ME1: variants seen among roughly 807,000 people sequenced by gnomAD.
The protein encoded by ME1 is NADP-dependent malic enzyme.
Under a neutral mutation model 66.4 loss-of-function variants are expected in ME1, and 74 were observed. That is an observed-to-expected ratio of 1.11 (90% CI 0.92 to 1.35). The LOEUF is 1.35. ME1 is among the 40% of genes most tolerant of loss of function. The pLI is 0.00. For synonymous variants in ME1, 251 were observed against 235.6 expected (o/e 1.07, Z -0.60); for missense variants, 750 against 694.1 (o/e 1.08, Z -0.90).
chr6:83,343,246 C>T (rs1205538652), intron 5 of ME1, among the ~76,000 whole-genome samples: 1 of 152,120 alleles, frequency 6.6e-6, no homozygotes, highest in East Asian at 1.9e-4. Flanking sequence ...ACTTTTTTAG[C>T]CCGGGTGTGA....
At chr6:83,371,549 T>C (rs1769193286) in intron 3 of ME1, among the ~76,000 whole-genome samples, 1 of 152,110 alleles carries the variant, frequency 6.6e-6, no homozygotes, top group African/African-American at 2.4e-5. Context: ...GAAAAGAAAA[T>C]GTATCAACAG....
At chr6:83,365,049 C>T (rs1158009028) in intron 3 of ME1, among the ~76,000 whole-genome samples, 1 of 152,182 alleles carries the variant, frequency 6.6e-6, no homozygotes, top group African/African-American at 2.4e-5. Flanking sequence ...ATTCTCCTCT[C>T]ACCTCACTTG....
At chr6:83,415,744 T>C (rs1770147520) in intron 1 of ME1, among the ~76,000 whole-genome samples, 1 of 152,202 alleles carries the variant, frequency 6.6e-6, no homozygotes, top group African/African-American at 2.4e-5. Context: ...TAACAAGTTT[T>C]TTCATTGACT....
At chr6:83,398,271 C>T (rs1284583076) in intron 3 of ME1, 96 bp downstream of exon 3, 3 of 882,448 alleles carry the variant, frequency 3.4e-6, no homozygotes, top group African/African-American at 1.8e-5. Flanking sequence ...ATTTTATTGT[C>T]AAATTTAAAA....
Position 83,298,931 on chromosome 6 carries a change from G to GTTTTTTTTTTTTTTTTTT in ME1, c.704+16361_704+16378dup, listed in dbSNP as rs61055748. 2.7e-4 allele frequency among the ~76,000 whole-genome samples: 6 copies of GTTTTTTTTTTTTTTTTTT among 22,458 alleles called. 1 individual carries two copies. The highest frequency in any genetic ancestry group is 3.8e-4 in the African/African-American group (2 of 5,314). 14.7% of individuals were successfully genotyped at this position (22,458 alleles called of 152,430 possible). On this transcript the variant is annotated intron_variant, in intron 6 of 13. Transcript: ENST00000369705. ...TGCTGTTCCATTAGTCTATGTGTCT[G>GTTTTTTTTTTTTTTTTTT]TTTTTTTTTTTTTTTTTTTTTTTTT...
rs1183354465 is a variant in ME1 at position 83,210,624 on chromosome 6, G to A, written c.*1300C>T. The A allele has an allele frequency of 1.3e-5, 2 of 152,160 alleles. No homozygotes were observed. Among genetic ancestry groups the A allele is most frequent in the Non-Finnish European group, 2.9e-5 (2 of 68,008 alleles). The allele number at this position is 152,160 out of a possible 1,614,324, so 9.4% of individuals were successfully genotyped here. On this transcript the variant is annotated 3_prime_UTR_variant, in exon 14 of 14. Coordinates refer to ENST00000369705, the MANE Select transcript of ME1 (RefSeq NM_002395.6). Reference sequence around the variant, plus strand: ...TCTGCTCATACCTAAAACAATTTGTGTAACCTTCAACTTTCAATAAAATCA... The same window carrying A: ...TCTGCTCATACCTAAAACAATTTGTATAACCTTCAACTTTCAATAAAATCA...
chr6:83,426,834 T>C (rs1201083593), intron 1 of ME1, among the ~76,000 whole-genome samples: 1 of 152,208 alleles, frequency 6.6e-6, no homozygotes, highest in Non-Finnish European at 1.5e-5. Context: ...TACTTATGGG[T>C]CATGTTATTA....
In ME1 at chr6:83,211,830, G is replaced by A; in HGVS notation, c.*94C>T. Reference sequence around the variant, plus strand: ...CTGTTAAAGTAAAATCTTAATCTAAGTGTCTTATGAATCATTATAAAAGAT... The same window carrying A: ...CTGTTAAAGTAAAATCTTAATCTAAATGTCTTATGAATCATTATAAAAGAT... On this transcript the variant is annotated 3_prime_UTR_variant, in exon 14 of 14. Transcript: ENST00000369705. 1 of 762,704 alleles carries A rather than the reference G, an allele frequency of 1.3e-6. No homozygotes were observed. Among genetic ancestry groups the A allele is most frequent in the Non-Finnish European group, 1.9e-6 (1 of 532,878 alleles). The allele number at this position is 762,704 out of a possible 1,614,324, so 47.2% of individuals were successfully genotyped here.
chr6:83,399,612 T>C (rs912885352), intron 2 of ME1, among the ~76,000 whole-genome samples: 3 of 152,252 alleles, frequency 2.0e-5, no homozygotes, highest in South Asian at 2.1e-4. Flanking sequence ...CTGTATCTTA[T>C]GGCCTTTTTC....
intron 6 of ME1, among the ~76,000 whole-genome samples, chr6:83,295,171 C>G (rs954974396): frequency 3.3e-5 from 5 of 152,148 alleles, no homozygotes; most frequent in African/African-American, 1.2e-4. Flanking sequence ...GGTAACATAC[C>G]CCCATGTGAA....
At chr6:83,301,985 ACACATG>A (rs1397612594) in intron 6 of ME1, among the ~76,000 whole-genome samples, 6 of 152,192 alleles carry the variant, frequency 3.9e-5, no homozygotes, top group Admixed American at 1.3e-4. Flanking sequence ...TACCATAAAG[ACACATG>A]CACATGCACA....
At chr6:83,333,159 G>A (rs1459724369) in intron 5 of ME1, among the ~76,000 whole-genome samples, 1 of 152,034 alleles carries the variant, frequency 6.6e-6, no homozygotes, top group East Asian at 1.9e-4. Flanking sequence ...GTATTTAAAG[G>A]GGATTTACTT....
chr6:83,380,141 GA>G (rs944393087), intron 3 of ME1, among the ~76,000 whole-genome samples: 1 of 151,850 alleles, frequency 6.6e-6, no homozygotes, highest in East Asian at 1.9e-4. Flanking sequence ...CTACCCTCAA[GA>G]AAAAAATCAG....
chr6:83,426,230 A>G (rs990302593), intron 1 of ME1, among the ~76,000 whole-genome samples: 4 of 152,216 alleles, frequency 2.6e-5, no homozygotes. Flanking sequence ...CAAAAGTTAG[A>G]GGGAAATCAG....
intron 6 of ME1, among the ~76,000 whole-genome samples, chr6:83,301,379 G>T (rs960300660): frequency 4.0e-5 from 6 of 149,138 alleles, no homozygotes; most frequent in African/African-American, 1.5e-4. Context: ...GTTGTGCTCA[G>T]TCGCCCAGAC....
intron 2 of ME1, among the ~76,000 whole-genome samples, chr6:83,402,898 T>A (rs1471619207): frequency 1.3e-5 from 2 of 152,244 alleles, no homozygotes; most frequent in African/African-American, 2.4e-5. Context: ...AAGAAGACTG[T>A]AATTGCCATA....
rs1303673656 is a variant in ME1 at position 83,392,814 on chromosome 6, G to A, written c.362+5553C>T. ...CTGCTGATGCCCCCATGTTCGTGAT[G>A]GGTGTGAACCATGAGAAATATGACA... On this transcript the variant is annotated intron_variant, in intron 3 of 13. Coordinates refer to ENST00000369705, the MANE Select transcript of ME1 (RefSeq NM_002395.6). The A allele has an allele frequency of 1.1e-5, 8 of 733,340 alleles. No homozygotes were observed. The African/African-American group carries it at 1.4e-4, about 13-fold the overall frequency. The allele number at this position is 733,340 out of a possible 1,614,324, so 45.4% of individuals were successfully genotyped here. A position where few individuals can be genotyped will look rare whatever the true frequency, so the allele number is the denominator to read the frequency against.
At chr6:83,352,175 A>G in intron 3 of ME1, 36 bp from the exon 4 acceptor site, 3 of 1,378,458 alleles carry the variant, frequency 2.2e-6, no homozygotes, top group East Asian at 2.6e-5. Flanking sequence ...AGTAGTTTAC[A>G]TTTACTTCAG....
intron 5 of ME1, among the ~76,000 whole-genome samples, chr6:83,327,371 A>T (rs1172077270): frequency 6.6e-6 from 1 of 152,208 alleles, no homozygotes; most frequent in Non-Finnish European, 1.5e-5. Flanking sequence ...TCAAAAGCGA[A>T]TGGGAGAAAT....
Sources: gnomAD v4.1 joint callset for allele counts (sites outside exome capture counted in the v4.1 genomes callset) on GRCh38, gnomAD v4.1.1 for gene constraint, MANE v1.5 for transcripts, NCBI Gene and HGNC (gene_info 2026-07-23, HGNC 2026-07-21) for gene names.